The following AUTS2 variants were observed in gnomAD, a reference collection of about 807,000 sequenced individuals.
AUTS2 encodes the protein autism susceptibility gene 2 protein.
Under a neutral mutation model 112.4 loss-of-function variants are expected in AUTS2, and 17 were observed. The observed-to-expected ratio is 0.15, with a 90% CI of 0.10 to 0.23. AUTS2 has a LOEUF of 0.23. AUTS2 is among the 10% of genes least tolerant of loss of function. The pLI, the probability that AUTS2 is intolerant of heterozygous loss-of-function variation, is 1.00. For missense variants in AUTS2, 1,510 were observed against 1,701.6 expected (o/e 0.89, Z 1.98); for synonymous variants, 751 against 702.7 (o/e 1.07, Z -1.09).
At position 70,462,661 on chromosome 7, in the gene AUTS2, TA is replaced by T. The variant is rs35426528; in HGVS notation, c.690+26889del. 2.6e-5 allele frequency among the ~76,000 whole-genome samples: 4 copies of T among 151,218 alleles called. No homozygotes were observed. In the East Asian group the frequency reaches 5.8e-4, roughly 22 times the overall value. On this transcript the variant is annotated intron_variant, in intron 5 of 18. Transcript: ENST00000342771. ...CCTAGTCACCACTGGATGTTGCCACTAAAAAAAAATCTAGGCTGGGTGCAGT... is the reference window on the plus strand; with the variant it reads ...CCTAGTCACCACTGGATGTTGCCACTAAAAAAAATCTAGGCTGGGTGCAGT...
rs1288706805 is a variant in AUTS2, at chr7:70,768,017, T to C, written c.1690-7T>C. The C allele has an allele frequency of 6.2e-7, 1 of 1,611,120 alleles. No homozygotes were observed. The highest frequency in any genetic ancestry group is 8.5e-7 in the Non-Finnish European group (1 of 1,178,952). On this transcript the variant is annotated splice_region_variant and splice_polypyrimidine_tract_variant and intron_variant, in intron 9 of 18. Transcript: ENST00000342771. ...AGTAACTAGCTTTTGCTTTGATCCC[T>C]TTACAGTTTGACAAATACCCTACAA...
intron 1 of AUTS2, among the ~76,000 whole-genome samples, chr7:69,849,299 C>T (rs1039787445): frequency 4.6e-5 from 7 of 152,088 alleles, no homozygotes; most frequent in Non-Finnish European, 1.0e-4. Flanking sequence ...TTTTTTGTTA[C>T]TTTTAAATTT....
intron 1 of AUTS2, among the ~76,000 whole-genome samples, chr7:69,636,738 A>C (rs529473289): frequency 3.3e-5 from 5 of 151,856 alleles, no homozygotes; most frequent in Admixed American, 2.0e-4. Flanking sequence ...ATAAGATGGA[A>C]GTGCCTTGTC....
intron 4 of AUTS2, among the ~76,000 whole-genome samples, chr7:70,265,715 A>G (rs1455786414): frequency 1.3e-5 from 2 of 152,240 alleles, no homozygotes; most frequent in Non-Finnish European, 2.9e-5. Flanking sequence ...TGATTGGGAC[A>G]GTGAATATTG....
At chr7:70,460,929 G>A (rs1796937684) in intron 5 of AUTS2, among the ~76,000 whole-genome samples, 1 of 152,172 alleles carries the variant, frequency 6.6e-6, no homozygotes, top group South Asian at 2.1e-4. Context: ...GTATGCCCCA[G>A]AAGAACTGGG....
intron 4 of AUTS2, among the ~76,000 whole-genome samples, chr7:70,368,760 G>T (rs1241170571): frequency 6.6e-6 from 1 of 152,176 alleles, no homozygotes; most frequent in Non-Finnish European, 1.5e-5. Flanking sequence ...CAGTGCTCAA[G>T]ACCAGAACAA....
At chr7:70,180,673 G>T (rs1042189117) in intron 4 of AUTS2, among the ~76,000 whole-genome samples, 1 of 152,048 alleles carries the variant, frequency 6.6e-6, no homozygotes, top group African/African-American at 2.4e-5. Context: ...GCCCAGTTTG[G>T]CTCAGGTACA....
Position 70,118,180 on chromosome 7 carries a change from A to T in AUTS2, c.571A>T (p.Ser191Cys), listed in dbSNP as rs1294319675. ...CAGGGACAGTGACAGTGAAAGTGCC[A>T]GTGGAGAATCCAAGGGCTTCCACCG... ...SCRDSDSESASGESKGFHRSS... is the reference protein window; with the variant it reads ...SCRDSDSESACGESKGFHRSS... Residue 191 changes from serine (S) to cysteine (C), a missense_variant, in exon 3 of 19, where the codon AGT becomes TGT. Ser to Cys is a moderately radical substitution (Grantham distance 112). Coordinates refer to ENST00000342771, the MANE Select transcript of AUTS2 (RefSeq NM_015570.4). The T allele has an allele frequency of 6.2e-7, 1 of 1,611,668 alleles. No homozygotes were observed. The highest frequency in any genetic ancestry group is 1.7e-5 in the Admixed American group (1 of 59,708).
chr7:69,614,314 C>CTCTT (rs763131370), intron 1 of AUTS2, among the ~76,000 whole-genome samples: 5,826 of 83,370 alleles, frequency 0.07, 517 homozygotes, highest in Middle Eastern at 0.11. Flanking sequence ...CACTCTCCGT[C>CTCTT]TCTTTCTTTC....
chr7:69,846,877 C>T (rs1371696182), intron 1 of AUTS2, among the ~76,000 whole-genome samples: 1 of 152,180 alleles, frequency 6.6e-6, no homozygotes. Context: ...CCGGCCCCCA[C>T]ATCAGCTTTC....
intron 5 of AUTS2, among the ~76,000 whole-genome samples, chr7:70,616,241 T>C (rs1359417103): frequency 6.6e-6 from 1 of 152,226 alleles, no homozygotes; most frequent in Non-Finnish European, 1.5e-5. Flanking sequence ...CTAAAACTCT[T>C]ACACAGGGGT....
chr7:70,634,799 G>A (rs1022128349), intron 5 of AUTS2, among the ~76,000 whole-genome samples: 1 of 152,190 alleles, frequency 6.6e-6, no homozygotes, highest in African/African-American at 2.4e-5. Flanking sequence ...CTTCCTCCCA[G>A]AAAGGTTAAG....
chr7:70,517,244 A>G (rs1009644360), intron 5 of AUTS2, among the ~76,000 whole-genome samples: 2 of 152,184 alleles, frequency 1.3e-5, no homozygotes, highest in African/African-American at 4.8e-5. Flanking sequence ...ACAGCACCCA[A>G]CACTGGGGAG....
chr7:70,082,479 A>G (rs1803370449), intron 2 of AUTS2, among the ~76,000 whole-genome samples: 1 of 152,140 alleles, frequency 6.6e-6, no homozygotes. Context: ...TTAGTACTTT[A>G]GTTCTGGTTT....
intron 6 of AUTS2, among the ~76,000 whole-genome samples, chr7:70,710,225 G>C (rs968245145): frequency 2.0e-5 from 3 of 146,670 alleles, no homozygotes; most frequent in Non-Finnish European, 3.0e-5. Context: ...ATTGCTGCAG[G>C]TTAGATGAGG....
At chr7:70,759,632 T>G (rs1789431257) in intron 6 of AUTS2, among the ~76,000 whole-genome samples, 2 of 152,126 alleles carry the variant, frequency 1.3e-5, no homozygotes, top group African/African-American at 2.4e-5. Flanking sequence ...TAGCTGTGGT[T>G]AGGTTGAGAT....
At chr7:69,702,451 C>CA (rs1797860404) in intron 1 of AUTS2, among the ~76,000 whole-genome samples, 1 of 152,128 alleles carries the variant, frequency 6.6e-6, no homozygotes, top group African/African-American at 2.4e-5. Flanking sequence ...GTCTGTAGGG[C>CA]AGTCATTTGA....
At chr7:70,635,777 G>C (rs533070524) in intron 5 of AUTS2, among the ~76,000 whole-genome samples, 2 of 152,312 alleles carry the variant, frequency 1.3e-5, no homozygotes, top group South Asian at 4.1e-4. Context: ...AGGACTGCAG[G>C]ACCTGTGCAT....
At chr7:70,346,947 C>T (rs1791523684) in intron 4 of AUTS2, among the ~76,000 whole-genome samples, 1 of 152,180 alleles carries the variant, frequency 6.6e-6, no homozygotes, top group South Asian at 2.1e-4. Context: ...ACGTGAACTA[C>T]ATGAAGCAGT....
Sources: gnomAD v4.1 joint callset for allele counts (sites outside exome capture counted in the v4.1 genomes callset) on GRCh38, gnomAD v4.1.1 for gene constraint, MANE v1.5 for transcripts, NCBI Gene and HGNC (gene_info 2026-07-23, HGNC 2026-07-21) for gene names.